The following AGBL4 variants were observed in gnomAD, a reference collection of about 807,000 sequenced individuals.
The protein encoded by AGBL4 is cytosolic carboxypeptidase 6.
Under a neutral mutation model 66.4 loss-of-function variants are expected in AGBL4, and 58 were observed. The observed-to-expected ratio is 0.87, with a 90% CI of 0.71 to 1.09. The LOEUF is 1.09. Among genes scored for constraint, AGBL4 ranks in the 50% least tolerant of loss-of-function variants. The pLI is 0.00. For missense variants in AGBL4, 579 were observed against 631.0 expected, an observed-to-expected ratio of 0.92 and a Z score of 0.88; for synonymous variants, 234 against 222.9, an observed-to-expected ratio of 1.05 and a Z score of -0.44.
intron 4 of AGBL4, among the ~76,000 whole-genome samples, chr1:49,104,756 A>C (rs1645262650): frequency 6.6e-6 from 1 of 152,182 alleles, no homozygotes; most frequent in Non-Finnish European, 1.5e-5. Context: ...TCTAGGCATG[A>C]ACGGGCTCCA....
chr1:49,569,747 C>A (rs189600648), intron 3 of AGBL4, among the ~76,000 whole-genome samples: 6 of 152,214 alleles, frequency 3.9e-5, no homozygotes, highest in Non-Finnish European at 7.4e-5. Context: ...ATACACTCAC[C>A]ATTCTGAGTC....
At chr1:48,586,112 G>A (rs1644815398) in intron 11 of AGBL4, 1 of 152,184 alleles carries the variant, frequency 6.6e-6, no homozygotes, top group African/African-American at 2.4e-5. Flanking sequence ...AATCTGCCAC[G>A]ATCTGTTACA....
At chr1:49,310,536 C>G (rs1644925029) in intron 3 of AGBL4, among the ~76,000 whole-genome samples, 1 of 152,078 alleles carries the variant, frequency 6.6e-6, no homozygotes, top group Non-Finnish European at 1.5e-5. Context: ...TCAGAAAATA[C>G]TGTCTAAATT....
At chr1:49,807,880 C>T (rs1645010592) in intron 2 of AGBL4, among the ~76,000 whole-genome samples, 1 of 152,182 alleles carries the variant, frequency 6.6e-6, no homozygotes, top group South Asian at 2.1e-4. Flanking sequence ...CAGAGAGCTG[C>T]CTTGCCCCTT....
At chr1:49,734,904 G>A (rs2124725454) in intron 2 of AGBL4, among the ~76,000 whole-genome samples, 1 of 152,106 alleles carries the variant, frequency 6.6e-6, no homozygotes, top group South Asian at 2.1e-4. Flanking sequence ...TTTCAGTGAT[G>A]ATACAAGGAT....
intron 3 of AGBL4, among the ~76,000 whole-genome samples, chr1:49,417,404 T>C (rs1427883295): frequency 6.6e-6 from 1 of 152,126 alleles, no homozygotes; most frequent in Non-Finnish European, 1.5e-5. Flanking sequence ...AAATTTGTTC[T>C]TAATATGAGT....
chr1:49,983,564 T>C (rs1308687551), intron 1 of AGBL4, among the ~76,000 whole-genome samples: 1 of 152,228 alleles, frequency 6.6e-6, no homozygotes, highest in Non-Finnish European at 1.5e-5. Context: ...TTTGCCCTAG[T>C]TTTGCTTGGC....
chr1:49,796,018 G>T (rs1344211807), intron 2 of AGBL4, among the ~76,000 whole-genome samples: 1 of 151,618 alleles, frequency 6.6e-6, no homozygotes, highest in Non-Finnish European at 1.5e-5. Flanking sequence ...GAAAATACTG[G>T]CCACAATGAT....
intron 1 of AGBL4, among the ~76,000 whole-genome samples, chr1:49,930,951 A>G (rs1446119254): frequency 6.6e-6 from 1 of 152,160 alleles, no homozygotes; most frequent in African/African-American, 2.4e-5. Context: ...ATTTGAAAAT[A>G]GAACTTAAAA....
chr1:48,727,876 A>C (rs535205639), intron 6 of AGBL4: 1 of 1,598,000 alleles, frequency 6.3e-7, no homozygotes, highest in South Asian at 1.1e-5. Flanking sequence ...CTTTATGAAA[A>C]ATCCAAAGTT....
rs569359346 is a variant in AGBL4, at chr1:49,250,369, A to G, written c.283-4505T>C. Among the ~76,000 whole-genome samples the G allele has an allele frequency of 4.0e-5, 6 of 151,440 alleles. 1 individual carries two copies. The South Asian group carries it at 1.3e-3, about 32-fold the overall frequency. ...TTTAGAGGCAAGGAACTGAGAGTGG[A>G]TGGAGGAAAGACACACAAACTGGGC... On this transcript the variant is annotated intron_variant, in intron 3 of 13. Transcript: ENST00000371839.
intron 3 of AGBL4, among the ~76,000 whole-genome samples, chr1:49,453,659 C>A (rs1320706348): frequency 6.6e-6 from 1 of 151,774 alleles, no homozygotes; most frequent in African/African-American, 2.4e-5. Context: ...TTACAGCCTC[C>A]TCAAATGTGC....
intron 6 of AGBL4, among the ~76,000 whole-genome samples, chr1:48,830,919 T>C (rs1301652382): frequency 6.6e-6 from 1 of 152,198 alleles, no homozygotes; most frequent in Non-Finnish European, 1.5e-5. Context: ...GACATTCCCA[T>C]TGAACAAGAC....
At chr1:49,211,046 T>C (rs1383472903) in intron 4 of AGBL4, among the ~76,000 whole-genome samples, 1 of 152,080 alleles carries the variant, frequency 6.6e-6, no homozygotes, top group Non-Finnish European at 1.5e-5. Context: ...CAAATGGGTG[T>C]CCTGCTTAGT....
intron 4 of AGBL4, among the ~76,000 whole-genome samples, chr1:49,152,747 T>C (rs1013606563): frequency 1.3e-5 from 2 of 152,196 alleles, no homozygotes; most frequent in African/African-American, 4.8e-5. Flanking sequence ...TTCTGGGAGA[T>C]GAACAATATG....
chr1:49,204,422 C>A (rs2148237363), intron 4 of AGBL4, among the ~76,000 whole-genome samples: 1 of 151,516 alleles, frequency 6.6e-6, no homozygotes, highest in East Asian at 1.9e-4. Context: ...ACACATGCAG[C>A]ACTACACCTG....
intron 11 of AGBL4, among the ~76,000 whole-genome samples, chr1:48,574,250 A>G (rs139949119): frequency 7.2e-4 from 109 of 152,298 alleles, no homozygotes; most frequent in African/African-American, 2.3e-3. Context: ...TCTTAATCCA[A>G]TTCTGAGTTT....
chr1:49,234,258 T>G (rs1650544413), intron 4 of AGBL4, among the ~76,000 whole-genome samples: 1 of 152,082 alleles, frequency 6.6e-6, no homozygotes, highest in Non-Finnish European at 1.5e-5. Flanking sequence ...AACTTAACAT[T>G]TGAAGGGAAG....
At chr1:49,734,204 A>T (rs962017301) in intron 2 of AGBL4, among the ~76,000 whole-genome samples, 1 of 152,060 alleles carries the variant, frequency 6.6e-6, no homozygotes, top group Non-Finnish European at 1.5e-5. Flanking sequence ...GCCCCCAAAG[A>T]TCAGGAACAA....
Sources: allele counts gnomAD v4.1 joint callset (sites outside exome capture counted in the v4.1 genomes callset), GRCh38; gene constraint gnomAD v4.1.1; transcripts MANE v1.5; gene names NCBI Gene and HGNC (gene_info 2026-07-23, HGNC 2026-07-21).